Variants in ADD3 observed in about 807,000 individuals in gnomAD.
The protein encoded by ADD3 is adducin 3.
ADD3 carries 25 observed loss-of-function variants against 80.2 expected under a neutral mutation model. That is an observed-to-expected ratio of 0.31 (90% CI 0.23 to 0.44). ADD3 has a LOEUF of 0.44. ADD3 is among the 20% of genes least tolerant of loss of function. The pLI, the probability that ADD3 is intolerant of heterozygous loss-of-function variation, is 1.00. For synonymous variants in ADD3, 284 were observed against 289.6 expected (o/e 0.98, Z 0.20); for missense variants, 829 against 847.5 (o/e 0.98, Z 0.27).
intron 10 of ADD3, among the ~76,000 whole-genome samples, chr10:110,125,430 GTT>G (rs10571033): frequency 0.013 from 1,921 of 145,514 alleles, 45 homozygotes; most frequent in African/African-American, 0.042. Flanking sequence ...TATTTCTTAA[GTT>G]TTTTTTTTTT....
chr10:110,063,776 T>TAA (rs1554927118), intron 1 of ADD3, among the ~76,000 whole-genome samples: 3 of 97,726 alleles, frequency 3.1e-5, no homozygotes, highest in African/African-American at 1.2e-4. Flanking sequence ...TATATATATA[T>TAA]ATATATAAAG....
chr10:109,998,759 A>G (rs532882728), intron 1 of ADD3, among the ~76,000 whole-genome samples: 4 of 152,138 alleles, frequency 2.6e-5, no homozygotes, highest in East Asian at 1.9e-4. Flanking sequence ...CCAGCTGCCG[A>G]CTACAGATCA....
At chr10:110,009,359 C>A (rs1852051301) in intron 1 of ADD3, among the ~76,000 whole-genome samples, 2 of 152,154 alleles carry the variant, frequency 1.3e-5, no homozygotes, top group African/African-American at 2.4e-5. Context: ...GGAATGGCTT[C>A]TGACTACATA....
chr10:110,027,007 T>C (rs892591105), intron 1 of ADD3, among the ~76,000 whole-genome samples: 2 of 152,230 alleles, frequency 1.3e-5, no homozygotes, highest in African/African-American at 4.8e-5. Context: ...CTTCTGTACT[T>C]AGAATCAATA....
chr10:110,011,195 C>T (rs1334656364), intron 1 of ADD3, among the ~76,000 whole-genome samples: 3 of 152,006 alleles, frequency 2.0e-5, no homozygotes, highest in Non-Finnish European at 4.4e-5. Flanking sequence ...ACCTTATCAC[C>T]TTTCTGATTA....
chr10:110,051,942 C>G (rs1463871410), intron 1 of ADD3, among the ~76,000 whole-genome samples: 1 of 152,174 alleles, frequency 6.6e-6, no homozygotes, highest in Non-Finnish European at 1.5e-5. Flanking sequence ...GCTGGGACCA[C>G]AGGCCCACGC....
In ADD3 at chr10:110,135,526, A is replaced by G. The variant is rs1853539028; in HGVS notation, c.*1908A>G. 1 of 152,636 alleles carries G rather than the reference A, an allele frequency of 6.6e-6. No individual in the cohort carries two copies. The highest frequency in any genetic ancestry group is 1.9e-4 in the East Asian group (1 of 5,198). 9.5% of individuals were successfully genotyped at this position (152,636 alleles called of 1,614,324 possible). A position where few individuals can be genotyped will look rare whatever the true frequency, so the allele number is the denominator to read the frequency against. On this transcript the variant is annotated 3_prime_UTR_variant, in exon 15 of 15. Coordinates refer to ENST00000356080, the MANE Select transcript of ADD3 (RefSeq NM_016824.5). ...TGATATTGCTCTTAGATGTAATGCTAATTAATGTTAAATCACAAATAAACA... is the reference window on the plus strand; with the variant it reads ...TGATATTGCTCTTAGATGTAATGCTGATTAATGTTAAATCACAAATAAACA...
At chr10:110,103,258 C>T (rs1380294637) in intron 2 of ADD3, among the ~76,000 whole-genome samples, 1 of 152,152 alleles carries the variant, frequency 6.6e-6, no homozygotes, top group African/African-American at 2.4e-5. Flanking sequence ...ACAAATTATT[C>T]CAGAACTTAG....
chr10:110,078,613 G>A (rs537101474), intron 1 of ADD3, among the ~76,000 whole-genome samples: 25 of 152,284 alleles, frequency 1.6e-4, no homozygotes, highest in African/African-American at 6.0e-4. Flanking sequence ...GCTACTCAGT[G>A]TACAGCTATT....
At chr10:110,016,155 C>T (rs1852966445) in intron 1 of ADD3, among the ~76,000 whole-genome samples, 1 of 152,174 alleles carries the variant, frequency 6.6e-6, no homozygotes, top group Non-Finnish European at 1.5e-5. Flanking sequence ...ACAGGACATA[C>T]TTCTTGGGGC....
chr10:110,130,864 A>G (rs373945442), intron 13 of ADD3, among the ~76,000 whole-genome samples: 1 of 152,066 alleles, frequency 6.6e-6, no homozygotes, highest in African/African-American at 2.4e-5. Flanking sequence ...TCAAAAAAAA[A>G]AAAACAGAAA....
intron 1 of ADD3, among the ~76,000 whole-genome samples, chr10:110,014,193 G>A (rs192366713): frequency 2.5e-4 from 38 of 152,264 alleles, no homozygotes; most frequent in African/African-American, 7.9e-4. Context: ...CCACTTTTAC[G>A]CCCTAGGAAG....
At chr10:110,027,614 A>G (rs1305129375) in intron 1 of ADD3, among the ~76,000 whole-genome samples, 3 of 152,308 alleles carry the variant, frequency 2.0e-5, no homozygotes, top group East Asian at 1.9e-4. Context: ...TTCAGTAGTC[A>G]CATGTGACTA....
intron 1 of ADD3, among the ~76,000 whole-genome samples, chr10:110,017,036 T>G (rs568082604): frequency 1.3e-5 from 2 of 152,218 alleles, no homozygotes; most frequent in Non-Finnish European, 1.5e-5. Flanking sequence ...TTGTTAGCCT[T>G]TAAAACCTGC....
At chr10:110,015,996 A>G (rs183557653) in intron 1 of ADD3, among the ~76,000 whole-genome samples, 12 of 152,282 alleles carry the variant, frequency 7.9e-5, no homozygotes, top group Non-Finnish European at 1.8e-4. Context: ...AAGTTAGATG[A>G]TTTTATATTG....
chr10:110,075,049 T>C (rs1258367838), intron 1 of ADD3, among the ~76,000 whole-genome samples: 4 of 152,180 alleles, frequency 2.6e-5, no homozygotes, highest in Non-Finnish European at 4.4e-5. Flanking sequence ...GGTGGAAGCA[T>C]TGGTTCCCAA....
At chr10:110,130,330 G>T in intron 12 of ADD3, 33 bp from the exon 13 acceptor site, 1 of 1,607,216 alleles carries the variant, frequency 6.2e-7, no homozygotes, top group Non-Finnish European at 8.5e-7. Flanking sequence ...AAAACTCTTG[G>T]TAATGAATCG....
chr10:110,079,453 A>AGTGT (rs1461714401), intron 1 of ADD3, among the ~76,000 whole-genome samples: 15 of 132,904 alleles, frequency 1.1e-4, no homozygotes, highest in South Asian at 5.2e-4. Context: ...AGAGAGAGAG[A>AGTGT]GAGAGAGAGT....
intron 1 of ADD3, among the ~76,000 whole-genome samples, chr10:109,997,772 C>T (rs919777636): frequency 6.6e-6 from 1 of 152,246 alleles, no homozygotes; most frequent in African/African-American, 2.4e-5. Flanking sequence ...ACTGATACAT[C>T]TAAACTTGTA....
Sources: allele counts gnomAD v4.1 joint callset (sites outside exome capture counted in the v4.1 genomes callset), GRCh38; gene constraint gnomAD v4.1.1; transcripts MANE v1.5; gene names NCBI Gene and HGNC (gene_info 2026-07-23, HGNC 2026-07-21).